Variants in FRMD4B observed in about 807,000 individuals in gnomAD.
FRMD4B encodes the protein FERM domain-containing protein 4B.
FRMD4B carries 74 observed loss-of-function variants against 141.5 expected under a neutral mutation model. The ratio of observed to expected loss-of-function variants is 0.52; its 90% CI spans 0.43 to 0.63. FRMD4B has a LOEUF of 0.63. FRMD4B is among the 30% of genes least tolerant of loss of function. FRMD4B has a pLI of 0.00. For missense variants in FRMD4B, 1,366 were observed against 1,253.4 expected, an observed-to-expected ratio of 1.09 and a Z score of -1.36; for synonymous variants, 506 against 467.9, an observed-to-expected ratio of 1.08 and a Z score of -1.05.
At chr3:69,523,789 T>C (rs930107738) in intron 1 of FRMD4B, among the ~76,000 whole-genome samples, 15 of 152,140 alleles carry the variant, frequency 9.9e-5, no homozygotes, top group Non-Finnish European at 2.1e-4. Context: ...ACACTAAGGA[T>C]GTGGCTTCCC....
intron 11 of FRMD4B, among the ~76,000 whole-genome samples, chr3:69,199,879 C>T (rs1169735107): frequency 6.6e-6 from 1 of 152,206 alleles, no homozygotes; most frequent in Non-Finnish European, 1.5e-5. Flanking sequence ...GCTTCCTAAG[C>T]TCTTTATAAG....
chr3:69,468,513 G>C (rs1256410745), intron 1 of FRMD4B, among the ~76,000 whole-genome samples: 1 of 152,124 alleles, frequency 6.6e-6, no homozygotes, highest in Non-Finnish European at 1.5e-5. Context: ...CCCCTGGTCA[G>C]TAACAGGGTC....
chr3:69,176,807 C>T (rs950373551), intron 21 of FRMD4B, among the ~76,000 whole-genome samples, 151 bp from the exon 22 acceptor site: 3 of 152,148 alleles, frequency 2.0e-5, no homozygotes, highest in African/African-American at 7.2e-5. Flanking sequence ...AATTTAGTGA[C>T]TTCCTGGCTA....
intron 1 of FRMD4B, among the ~76,000 whole-genome samples, chr3:69,343,577 GTTTT>G (rs66705405): frequency 0.29 from 35,922 of 125,556 alleles, 5,318 homozygotes; most frequent in East Asian, 0.57. Flanking sequence ...ACAGTTTTTT[GTTTT>G]TTTTTTTTTT....
chr3:69,381,762 T>C (rs570487689), intron 1 of FRMD4B, among the ~76,000 whole-genome samples: 79 of 152,274 alleles, frequency 5.2e-4, no homozygotes, highest in Non-Finnish European at 9.7e-4. Context: ...TCTTGAAAAA[T>C]AGCTAATATT....
At position 69,471,498 on chromosome 3, in the gene FRMD4B, A is replaced by G. The variant is rs142809135; in HGVS notation, c.-128-38737T>C. The G allele has an allele frequency of 1.8e-3, 474 of 258,660 alleles. 3 individuals carry two copies. The highest frequency in any genetic ancestry group is 9.6e-3 in the African/African-American group (432 of 44,812). The allele number at this position is 258,660 out of a possible 1,614,324, so 16.0% of individuals were successfully genotyped here. ...TCATGACCCCTTTTAAAAATAGGTAAGCGTCAGAAGAAGATCCTATAATGT... is the reference window on the plus strand; with the variant it reads ...TCATGACCCCTTTTAAAAATAGGTAGGCGTCAGAAGAAGATCCTATAATGT... On this transcript the variant is annotated intron_variant, in intron 1 of 5. Transcript: ENST00000459638.
intron 2 of FRMD4B, among the ~76,000 whole-genome samples, chr3:69,406,196 T>G (rs1341929399): frequency 6.6e-6 from 1 of 152,148 alleles, no homozygotes; most frequent in Non-Finnish European, 1.5e-5. Context: ...TTTGCCAAGA[T>G]TGGCTTAATG....
intron 1 of FRMD4B, among the ~76,000 whole-genome samples, chr3:69,517,313 C>G (rs1281002558): frequency 6.6e-6 from 1 of 152,102 alleles, no homozygotes; most frequent in Admixed American, 6.6e-5. Flanking sequence ...ACTTTTTCCT[C>G]TGTGATGGCT....
At chr3:69,450,038 T>C (rs1230995011) in intron 1 of FRMD4B, among the ~76,000 whole-genome samples, 1 of 151,044 alleles carries the variant, frequency 6.6e-6, no homozygotes, top group Non-Finnish European at 1.5e-5. Context: ...GAGAACAAGG[T>C]TCCTCAGCGT....
intron 1 of FRMD4B, among the ~76,000 whole-genome samples, chr3:69,505,583 G>A (rs1706582434): frequency 6.6e-6 from 1 of 152,122 alleles, no homozygotes; most frequent in East Asian, 1.9e-4. Flanking sequence ...CCTCTTGAAA[G>A]TGGTTAATAT....
At chr3:69,218,211 A>C (rs2093159785) in intron 10 of FRMD4B, 111 bp downstream of exon 10, 3 of 631,594 alleles carry the variant, frequency 4.7e-6, no homozygotes, top group Admixed American at 3.6e-5. Flanking sequence ...GTACTTTATA[A>C]TTTGCTACAA....
At chr3:69,512,950 T>C (rs1706712552) in intron 1 of FRMD4B, among the ~76,000 whole-genome samples, 1 of 152,080 alleles carries the variant, frequency 6.6e-6, no homozygotes. Flanking sequence ...TAAATGCATA[T>C]ATTAAAAAAG....
At chr3:69,282,471 T>C (rs573546814) in intron 5 of FRMD4B, among the ~76,000 whole-genome samples, 4 of 152,204 alleles carry the variant, frequency 2.6e-5, no homozygotes, top group South Asian at 2.1e-4. Flanking sequence ...GCTGAAACTA[T>C]GTTCTCATAA....
At chr3:69,493,478 C>A (rs1167015498) in intron 1 of FRMD4B, among the ~76,000 whole-genome samples, 2 of 152,102 alleles carry the variant, frequency 1.3e-5, no homozygotes, top group Non-Finnish European at 2.9e-5. Flanking sequence ...GCATTTAGAC[C>A]AGGTCTGGCT....
intron 5 of FRMD4B, among the ~76,000 whole-genome samples, chr3:69,261,055 C>A (rs1014099048): frequency 6.6e-6 from 1 of 152,162 alleles, no homozygotes; most frequent in Non-Finnish European, 1.5e-5. Context: ...AAGCAGGTTG[C>A]CAGAGCCAGA....
chr3:69,387,763 G>C (rs950773682), upstream of FRMD4B, among the ~76,000 whole-genome samples: 1 of 152,226 alleles, frequency 6.6e-6, no homozygotes, highest in African/African-American at 2.4e-5. Context: ...GTTGTTTTCA[G>C]TGACTGTAAT....
intron 2 of FRMD4B, among the ~76,000 whole-genome samples, chr3:69,391,098 A>C (rs2106722122): frequency 6.6e-6 from 1 of 152,182 alleles, no homozygotes; most frequent in East Asian, 1.9e-4. Flanking sequence ...AAGTCTTTTG[A>C]GAAATAACCG....
intron 11 of FRMD4B, among the ~76,000 whole-genome samples, chr3:69,215,266 C>T (rs536863285): frequency 2.8e-5 from 3 of 108,592 alleles, no homozygotes; most frequent in Non-Finnish European, 6.1e-5. Context: ...AAATCCAAAT[C>T]TGATAGATTG....
intron 7 of FRMD4B, among the ~76,000 whole-genome samples, chr3:69,232,782 T>C (rs2093318641): frequency 6.6e-6 from 1 of 152,008 alleles, no homozygotes. Context: ...ACACTGGGCA[T>C]GCTAGTACTT....
Sources: allele counts gnomAD v4.1 joint callset (sites outside exome capture counted in the v4.1 genomes callset), GRCh38; gene constraint gnomAD v4.1.1; transcripts MANE v1.5; gene names NCBI Gene and HGNC (gene_info 2026-07-23, HGNC 2026-07-21).